FSIP1: variants seen among roughly 807,000 people sequenced by gnomAD.
FSIP1 encodes the protein fibrous sheath-interacting protein 1.
Under a neutral mutation model 60.9 loss-of-function variants are expected in FSIP1, and 65 were observed. The ratio of observed to expected loss-of-function variants is 1.07; its 90% CI spans 0.87 to 1.31. The LOEUF is 1.31. Among genes scored for constraint, FSIP1 ranks in the 40% most tolerant of loss-of-function variants. The pLI, the probability that FSIP1 is intolerant of heterozygous loss-of-function variation, is 0.00. For synonymous variants in FSIP1, 209 were observed against 221.2 expected (o/e 0.94, Z 0.49); for missense variants, 675 against 665.5 (o/e 1.01, Z -0.16).
chr15:39,735,852 C>T (rs1896587502), intron 8 of FSIP1, among the ~76,000 whole-genome samples: 2 of 151,900 alleles, frequency 1.3e-5, no homozygotes, highest in Non-Finnish European at 2.9e-5. Context: ...AAAACTAAGA[C>T]ACAAATGCAC....
chr15:39,754,023 C>T (rs1357177241), intron 5 of FSIP1, among the ~76,000 whole-genome samples: 1 of 152,018 alleles, frequency 6.6e-6, no homozygotes, highest in Non-Finnish European at 1.5e-5. Flanking sequence ...AGACACAAAC[C>T]ATGTTCCTGT....
intron 10 of FSIP1, among the ~76,000 whole-genome samples, chr15:39,656,221 C>G (rs574296246): frequency 6.6e-6 from 1 of 152,242 alleles, no homozygotes; most frequent in African/African-American, 2.4e-5. Flanking sequence ...AGAAAAAAGG[C>G]TTCAATAGCA....
chr15:39,778,887 CAT>C (rs1183970790), intron 1 of FSIP1, among the ~76,000 whole-genome samples: 2 of 151,708 alleles, frequency 1.3e-5, no homozygotes, highest in Non-Finnish European at 2.9e-5. Flanking sequence ...CTGGAAGGAA[CAT>C]AAAGATAAAT....
chr15:39,670,007 T>C (rs758575470), intron 10 of FSIP1, among the ~76,000 whole-genome samples: 3 of 152,214 alleles, frequency 2.0e-5, no homozygotes, highest in Non-Finnish European at 2.9e-5. Flanking sequence ...AATTAATATA[T>C]TTCTCTGCTT....
intron 10 of FSIP1, among the ~76,000 whole-genome samples, chr15:39,674,066 T>C (rs532038039): frequency 0.016 from 2,464 of 151,968 alleles, 62 homozygotes; most frequent in African/African-American, 0.057. Context: ...TTTTTTTTTT[T>C]TTTTCTGAGA....
chr15:39,611,195 T>A (rs530144966), intron 11 of FSIP1, among the ~76,000 whole-genome samples: 1 of 152,158 alleles, frequency 6.6e-6, no homozygotes, highest in Middle Eastern at 3.2e-3. Context: ...TACAAAAAGA[T>A]GTAAAATTTA....
At chr15:39,675,950 G>GC (rs1893918398) in intron 10 of FSIP1, among the ~76,000 whole-genome samples, 1 of 151,634 alleles carries the variant, frequency 6.6e-6, no homozygotes, top group South Asian at 2.1e-4. Flanking sequence ...GATTGCCTGA[G>GC]CTCAGGAGTT....
chr15:39,692,607 A>C (rs1481778369), intron 10 of FSIP1, among the ~76,000 whole-genome samples: 1 of 152,238 alleles, frequency 6.6e-6, no homozygotes, highest in African/African-American at 2.4e-5. Flanking sequence ...TTTAAGGACC[A>C]GTTACAACTG....
At chr15:39,627,159 A>T (rs1321390204) in intron 10 of FSIP1, among the ~76,000 whole-genome samples, 1 of 152,174 alleles carries the variant, frequency 6.6e-6, no homozygotes, top group Non-Finnish European at 1.5e-5. Context: ...TACACTGCTC[A>T]ACGTGACTGG....
At chr15:39,744,744 GTCTGTCTCTC>G in intron 5 of FSIP1, among the ~76,000 whole-genome samples, 1 of 136,530 alleles carries the variant, frequency 7.3e-6, no homozygotes, top group South Asian at 2.3e-4. Context: ...CTGTCTGTCT[GTCTGTCTCTC>G]TCTCTCTCTC....
chr15:39,756,863 T>C (rs755180608), intron 5 of FSIP1, among the ~76,000 whole-genome samples: 2 of 152,094 alleles, frequency 1.3e-5, no homozygotes, highest in Non-Finnish European at 2.9e-5. Context: ...AGCTTTCACA[T>C]CATTAAGTCC....
intron 3 of FSIP1, among the ~76,000 whole-genome samples, chr15:39,769,742 C>T (rs955689999): frequency 5.3e-5 from 8 of 152,134 alleles, no homozygotes; most frequent in African/African-American, 1.9e-4. Context: ...CCTGCCAGTG[C>T]CTGGTTGCAA....
intron 10 of FSIP1, among the ~76,000 whole-genome samples, chr15:39,681,361 T>C (rs1325432416): frequency 1.3e-5 from 2 of 152,194 alleles, no homozygotes; most frequent in Non-Finnish European, 2.9e-5. Flanking sequence ...TATATGTTTT[T>C]ATAAGGTTTG....
intron 9 of FSIP1, among the ~76,000 whole-genome samples, chr15:39,719,131 G>T (rs540745721): frequency 1.3e-5 from 2 of 152,312 alleles, no homozygotes; most frequent in East Asian, 3.9e-4. Flanking sequence ...GGCAAGAAAA[G>T]GTTGCCACTG....
intron 10 of FSIP1, among the ~76,000 whole-genome samples, chr15:39,651,479 TC>T (rs1413012414): frequency 2.0e-5 from 3 of 152,204 alleles, no homozygotes; most frequent in African/African-American, 7.2e-5. Flanking sequence ...GTGCATTATT[TC>T]CTCCTCACAG....
chr15:39,610,237 A>G lies in FSIP1; in HGVS notation c.1699+7498T>C, dbSNP rs148375134. On this transcript the variant is annotated intron_variant, in intron 11 of 11. Transcript: ENST00000350221. ...TTCTAAGAAAGATATGATAAAGAAA[A>G]AGGCCCAGAAAATATATTTAAGAAA... 1.9e-3 allele frequency among the ~76,000 whole-genome samples: 295 copies of G among 152,308 alleles called. 3 individuals carry two copies. Among genetic ancestry groups the G allele is most frequent in the African/African-American group, 6.8e-3 (284 of 41,578 alleles).
At chr15:39,624,443 G>A (rs1278365117) in intron 10 of FSIP1, among the ~76,000 whole-genome samples, 3 of 152,214 alleles carry the variant, frequency 2.0e-5, no homozygotes, top group Non-Finnish European at 4.4e-5. Context: ...AGGCACTCCA[G>A]TTAGGCTACA....
chr15:39,659,423 T>C (rs1893201219), intron 10 of FSIP1, among the ~76,000 whole-genome samples: 1 of 151,580 alleles, frequency 6.6e-6, no homozygotes. Context: ...GCGCCTGTAG[T>C]CCCAGCTACT....
intron 10 of FSIP1, among the ~76,000 whole-genome samples, chr15:39,647,397 T>C (rs1001844160): frequency 6.6e-6 from 1 of 152,118 alleles, no homozygotes; most frequent in Non-Finnish European, 1.5e-5. Context: ...AGTGGTTTTT[T>C]TGGTGGTCAA....
Sources: gnomAD v4.1 joint callset for allele counts (sites outside exome capture counted in the v4.1 genomes callset) on GRCh38, gnomAD v4.1.1 for gene constraint, MANE v1.5 for transcripts, NCBI Gene and HGNC (gene_info 2026-07-23, HGNC 2026-07-21) for gene names.